Variants in MYCL observed in about 807,000 individuals in gnomAD.
MYCL encodes the protein MYCL proto-oncogene, bHLH transcription factor, also known as protein L-Myc.
Under a neutral mutation model 31.0 loss-of-function variants are expected in MYCL, and 11 were observed. The ratio of observed to expected loss-of-function variants is 0.35; its 90% confidence interval spans 0.22 to 0.59. The LOEUF (loss-of-function observed/expected upper bound fraction) is 0.59, where lower values mean the gene tolerates loss of function less well. Ranked by LOEUF, MYCL falls within the 20% of genes least tolerant of loss-of-function variation. MYCL has a pLI of 0.79. For missense variants in MYCL, 427 were observed against 486.1 expected (o/e 0.88, Z 1.14); for synonymous variants, 208 against 202.4 (o/e 1.03, Z -0.23).
In MYCL at chr1:39,897,546, C is replaced by T; in HGVS notation, c.921G>A (p.Gln307=). The change falls in exon 2 of 2, where the codon CAG becomes CAA. Residue 307 remains glutamine, a synonymous_variant. Transcript: ENST00000372816. This position sits in a 1 kb window ranked among gnomAD's most constrained non-coding sequence, Gnocchi z 4.3. The part of the protein sequence containing the change: ...LRSRFLALRD[Q]VPTLASCSKA... ...TGGAGCAGCTGGCCAGGGTGGGCAC[C>T]TGGTCCCTCAGCGCCAAGAATCGCG... 1 of 1,614,238 alleles carries T rather than the reference C, an allele frequency of 6.2e-7. No individual in the cohort carries two copies. The highest frequency in any genetic ancestry group is 8.5e-7 in the Non-Finnish European group (1 of 1,180,052).
Position 39,897,532 on chromosome 1 carries a change from G to A in MYCL, c.935C>T (p.Ala312Val). ...TACTTTGGGGGCCTTGGAGCAGCTG[G>A]CCAGGGTGGGCACCTGGTCCCTCAG... ...LALRDQVPTL[A>V]SCSKAPKVVI... Residue 312 changes from alanine (A) to valine (V), a missense_variant, in exon 2 of 2, where the codon GCC becomes GTC. Transcript: ENST00000372816. This position sits in a 1 kb window ranked among gnomAD's most constrained non-coding sequence, Gnocchi z 4.3. The A allele has an allele frequency of 6.2e-7, 1 of 1,614,178 alleles. No individual in the cohort carries two copies. The highest frequency in any genetic ancestry group is 8.5e-7 in the Non-Finnish European group (1 of 1,180,046).
intron 1 of MYCL, 181 bp from the exon 2 acceptor site, chr1:39,898,151 G>T: frequency 1.2e-6 from 1 of 841,286 alleles, no homozygotes; most frequent in Non-Finnish European, 1.8e-6. Context: ...AGGGCACAGT[G>T]AAGGAAAGGA....
rs150462652 is a variant in MYCL at position 39,899,916 on chromosome 1, C to A, written c.496+1023G>T. ...CACAGTCTACACTCTACAAAAATAC[C>A]CTCTCCAGGATTTCTCACGGGTGTG... On this transcript the variant is annotated intron_variant, in intron 1 of 1. Transcript: ENST00000372816. The A allele has an allele frequency of 2.0e-3, 1,964 of 985,310 alleles. 39 individuals are homozygous for A. In the African/African-American group the frequency reaches 0.033, roughly 16 times the overall value. The allele number at this position is 985,310 out of a possible 1,614,324, so 61.0% of individuals were successfully genotyped here.
chr1:39,897,236 G>T lies in MYCL; in HGVS notation c.*136C>A. On this transcript the variant is annotated 3_prime_UTR_variant, in exon 2 of 2. Transcript: ENST00000372816. The surrounding 1 kb of genome is among the most constrained non-coding windows in gnomAD (Gnocchi z 4.3). ...TGCAAGCCTTTATTGTGTGTGCACC[G>T]GCTGCAATGCATTCTGGGATCTACT... is the stretch of plus-strand genomic sequence containing the variant. The T allele has an allele frequency of 1.3e-6, 1 of 769,118 alleles. No homozygotes were observed. The highest frequency in any genetic ancestry group is 2.3e-5 in the Admixed American group (1 of 43,082). 47.6% of individuals were successfully genotyped at this position (769,118 alleles called of 1,614,324 possible). A position where few individuals can be genotyped will look rare whatever the true frequency, so the allele number is the denominator to read the frequency against.
At position 39,899,707 on chromosome 1, in the gene MYCL, A is replaced by T. The variant is rs1644516506; in HGVS notation, c.496+1232T>A. 3.0e-6 allele frequency: 3 copies of T among 985,262 alleles called. No homozygotes were observed. The South Asian group carries it at 1.4e-4, about 46-fold the overall frequency. The allele number at this position is 985,262 out of a possible 1,614,324, so 61.0% of individuals were successfully genotyped here. ...TCTTGGTGTAGAAAGCAAGCTGGTT[A>T]AAAATGACCTTAACACAGTGGACCA... On this transcript the variant is annotated intron_variant, in intron 1 of 1. Transcript: ENST00000372816.
intron 1 of MYCL, 39 bp downstream of exon 1, chr1:39,900,900 G>A (rs1178364802): frequency 7.3e-6 from 11 of 1,506,448 alleles, no homozygotes; most frequent in Non-Finnish European, 9.7e-6. Context: ...GGCCACCCAT[G>A]GGGTGGCCCC....
chr1:39,901,609 G>A lies in MYCL; in HGVS notation c.-175C>T. ...TCCCGGGAAGCCGGGCCCCGGGTCAGAGTGGTAGGGGAAGCCAATCGCAGC... is the reference window on the plus strand; with the variant it reads ...TCCCGGGAAGCCGGGCCCCGGGTCAAAGTGGTAGGGGAAGCCAATCGCAGC... On this transcript the variant is annotated 5_prime_UTR_variant, in exon 1 of 2. Coordinates refer to ENST00000372816, the MANE Select transcript of MYCL (RefSeq NM_001033081.3). This position sits in a 1 kb window ranked among gnomAD's most constrained non-coding sequence, Gnocchi z 6.9. The A allele has an allele frequency of 7.1e-7, 1 of 1,417,124 alleles. No individual in the cohort carries two copies. The highest frequency in any genetic ancestry group is 1.5e-5 in the South Asian group (1 of 65,552). 87.8% of individuals were successfully genotyped at this position (1,417,124 alleles called of 1,614,324 possible). A position where few individuals can be genotyped will look rare whatever the true frequency, so the allele number is the denominator to read the frequency against.
At position 39,901,876 on chromosome 1, in the gene MYCL, C is replaced by T. The variant is rs2124722125; in HGVS notation, c.-442G>A. The T allele has an allele frequency of 1.7e-6, 2 of 1,187,278 alleles. No homozygotes were observed. The highest frequency in any genetic ancestry group is 4.5e-5 in the Admixed American group (1 of 22,082). The allele number at this position is 1,187,278 out of a possible 1,614,324, so 73.5% of individuals were successfully genotyped here. ...CGGCTCGGGGCAGCCCGGCAGCCAG[C>T]ACACACGCACATGCGCGCCGCCGAG... On this transcript the variant is annotated 5_prime_UTR_variant, in exon 1 of 2. Transcript: ENST00000372816. The surrounding 1 kb of genome is among the most constrained non-coding windows in gnomAD (Gnocchi z 6.9).
At chr1:39,898,951 T>C in intron 1 of MYCL, 1 of 985,432 alleles carries the variant, frequency 1.0e-6, no homozygotes, top group Non-Finnish European at 1.2e-6. Flanking sequence ...CCTTAATGGA[T>C]CTCGGCCTCG....
In MYCL at chr1:39,897,574, C is replaced by T. The variant is rs1337002326; in HGVS notation, c.893G>A (p.Arg298His). The T allele has an allele frequency of 5.0e-6, 8 of 1,614,214 alleles. No individual in the cohort carries two copies. The highest frequency in any genetic ancestry group is 1.1e-5 in the South Asian group (1 of 91,086). The change falls in exon 2 of 2, where the codon CGT (arginine) becomes CAT (histidine). Residue 298 changes from arginine to histidine, a missense_variant. By Grantham distance (29) the Arg-to-His change is conservative. Transcript: ENST00000372816. This position sits in a 1 kb window ranked among gnomAD's most constrained non-coding sequence, Gnocchi z 4.3. ...GTCCCTCAGCGCCAAGAATCGCGAA[C>T]GCAGGTCATTCCGCCTCTTGCGCTC... The part of the protein sequence containing the change: ...FLERKRRNDL[R>H]SRFLALRDQV...
At position 39,901,521 on chromosome 1, in the gene MYCL, C is replaced by T. The variant is rs1263647719; in HGVS notation, c.-87G>A. ...GTGTCCCCGGGTCCCTCGGCACAGT[C>T]GGCTGCCGGGCTCTCGTTCCTCCCC... On this transcript the variant is annotated 5_prime_UTR_variant, in exon 1 of 2. Coordinates refer to ENST00000372816, the MANE Select transcript of MYCL (RefSeq NM_001033081.3). The surrounding 1 kb of genome is among the most constrained non-coding windows in gnomAD (Gnocchi z 6.9). 5 of 1,524,258 alleles carry T rather than the reference C, an allele frequency of 3.3e-6. No individual in the cohort carries two copies. Among genetic ancestry groups the T allele is most frequent in the East Asian group, 2.3e-5 (1 of 43,256 alleles). The allele number at this position is 1,524,258 out of a possible 1,614,324, so 94.4% of individuals were successfully genotyped here.
Position 39,897,752 on chromosome 1 carries a change from C to G in MYCL, c.715G>C (p.Glu239Gln), listed in dbSNP as rs1357476063. 1 of 1,614,212 alleles carries G rather than the reference C, an allele frequency of 6.2e-7. No homozygotes were observed. Among genetic ancestry groups the G allele is most frequent in the South Asian group, 1.1e-5 (1 of 91,076 alleles). ...TCCTTTTCCCCTGCAGCATCTCTCT[C>G]CAGAACCTCTTCTTGGGGACCCCTC... ...SERGPQEEVLERDAAGEKEDE... is the reference protein window; with the variant it reads ...SERGPQEEVLQRDAAGEKEDE... The change falls in exon 2 of 2, where the codon GAG becomes CAG. Residue 239 changes from glutamate (E) to glutamine (Q), a missense_variant. Transcript: ENST00000372816. The surrounding 1 kb of genome is among the most constrained non-coding windows in gnomAD (Gnocchi z 4.3).
In MYCL at chr1:39,897,966, A is replaced by T. The variant is rs1167543712; in HGVS notation, c.501T>A (p.Asn167Lys). 6.2e-7 allele frequency: 1 copy of T among 1,611,592 alleles called. No individual in the cohort carries two copies. Among genetic ancestry groups the T allele is most frequent in the South Asian group, 1.1e-5 (1 of 91,006 alleles). The part of the protein sequence containing the change: ...SGSESPSDSE[N>K]EEIDVVTVEK... ...CTACTGTCACAACATCAATTTCTTC[A>T]TTCTCTGTCCGAGAAAAGAGATCAA... The change falls in exon 2 of 2, where the codon AAT (asparagine) becomes AAA (lysine). Residue 167 changes from asparagine to lysine, a missense_variant. Asn to Lys is a moderately conservative substitution (Grantham distance 94). Transcript: ENST00000372816. The surrounding 1 kb of genome is among the most constrained non-coding windows in gnomAD (Gnocchi z 4.3).
chr1:39,899,461 A>T (rs1265148383), intron 1 of MYCL, among the ~76,000 whole-genome samples: 2 of 152,236 alleles, frequency 1.3e-5, no homozygotes, highest in East Asian at 3.8e-4. Flanking sequence ...CATCAGCAGG[A>T]CAATCAAGTC....
In MYCL at chr1:39,901,122, G is replaced by A. The variant is rs777118187; in HGVS notation, c.313C>T (p.Leu105=). The change falls in exon 1 of 2, where the codon CTG becomes TTG. Residue 105 remains leucine (L), a synonymous_variant. Coordinates refer to ENST00000372816, the MANE Select transcript of MYCL (RefSeq NM_001033081.3). This position sits in a 1 kb window ranked among gnomAD's most constrained non-coding sequence, Gnocchi z 6.9. The part of the protein sequence containing the change: ...MWSGFSARER[L]ERAVSDRLAP... ...AGCCGGTCGCTCACAGCTCTCTCCA[G>A]CCGTTCCCGGGCCGAGAAGCCGCTC... is the stretch of plus-strand genomic sequence containing the variant. 4.7e-5 allele frequency: 76 copies of A among 1,604,248 alleles called. No homozygotes were observed. Among genetic ancestry groups the A allele is most frequent in the Non-Finnish European group, 6.4e-5 (75 of 1,176,086 alleles).
At chr1:39,900,595 A>C (rs1454585021) in intron 1 of MYCL, 5 of 1,224,638 alleles carry the variant, frequency 4.1e-6, no homozygotes, top group Non-Finnish European at 5.1e-6. Flanking sequence ...GCAGCAAAAA[A>C]ACTTCAGGTT....
chr1:39,899,683 CTT>C (rs1276263068), intron 1 of MYCL: 14 of 985,268 alleles, frequency 1.4e-5, no homozygotes, highest in Non-Finnish European at 1.7e-5. Flanking sequence ...AACATAAACT[CTT>C]GGTGTAGAAA....
rs749488757 is a variant in MYCL, at chr1:39,900,819, CAA to C, written c.496+118_496+119del. ...TGGGGACTACACGGGCAGCTTCAGC[CAA>C]AGAGAGGCGGAGATGGCCCAAGAGC... On this transcript the variant is annotated intron_variant, in intron 1 of 1. Coordinates refer to ENST00000372816, the MANE Select transcript of MYCL (RefSeq NM_001033081.3). 60 of 1,482,696 alleles carry C rather than the reference CAA, an allele frequency of 4.0e-5. No individual in the cohort carries two copies. The African/African-American group carries it at 8.5e-4, about 21-fold the overall frequency. 91.8% of individuals were successfully genotyped at this position (1,482,696 alleles called of 1,614,324 possible).
At chr1:39,900,863 C>A in intron 1 of MYCL, 76 bp downstream of exon 1, 6 of 1,512,144 alleles carry the variant, frequency 4.0e-6, no homozygotes, top group Non-Finnish European at 5.3e-6. Flanking sequence ...AGAGCCAATG[C>A]CTGACCTCAG....
Sources: allele counts gnomAD v4.1 joint callset (sites outside exome capture counted in the v4.1 genomes callset), GRCh38; gene constraint gnomAD v4.1.1; non-coding constraint Gnocchi (gnomAD v3.1); transcripts MANE v1.5; gene names NCBI Gene and HGNC (gene_info 2026-07-23, HGNC 2026-07-21).